The following WDR75 variants were observed in gnomAD, a reference collection of about 807,000 sequenced individuals.
The protein encoded by WDR75 is WD repeat-containing protein 75.
In WDR75, 52 loss-of-function variants were observed where a neutral mutation model predicts 106.1. That is an observed-to-expected ratio of 0.49 (90% CI 0.39 to 0.62). The LOEUF is 0.62. Among genes scored for constraint, WDR75 ranks in the 20% least tolerant of loss-of-function variants. The probability of loss-of-function intolerance (pLI) is 0.00; values close to 1 mark genes in which losing one functional copy is unlikely to be tolerated. For missense variants in WDR75, 905 were observed against 970.3 expected (o/e 0.93, Z 0.89); for synonymous variants, 333 against 335.5 (o/e 0.99, Z 0.08).
At chr2:189,443,764 G>A (rs192559861) in intron 1 of WDR75, among the ~76,000 whole-genome samples, 334 of 152,224 alleles carry the variant, frequency 2.2e-3, no homozygotes, top group Admixed American at 4.5e-3. Flanking sequence ...CTTGAAAACT[G>A]GGGGGATTGA....
intron 1 of WDR75, 35 bp downstream of exon 1, chr2:189,441,613 C>T (rs971426015): frequency 6.5e-7 from 1 of 1,545,012 alleles, no homozygotes; most frequent in Admixed American, 2.0e-5. Flanking sequence ...GGCTGAGGGG[C>T]GGGGCGTGAG....
intron 5 of WDR75, among the ~76,000 whole-genome samples, chr2:189,456,596 G>A (rs905662686): frequency 5.9e-5 from 9 of 152,098 alleles, no homozygotes; most frequent in Admixed American, 2.0e-4. Flanking sequence ...TATGGTGATC[G>A]AAACAGATAG....
At chr2:189,474,945 GATT>G (rs1402202685) in intron 20 of WDR75, 137 bp downstream of exon 20, 11 of 801,198 alleles carry the variant, frequency 1.4e-5, no homozygotes, top group Middle Eastern at 3.7e-4. Context: ...AAGGCTATAG[GATT>G]ATTAAGTCAA....
rs1306817683 is a variant in WDR75, at chr2:189,462,549, A to C, written c.844A>C (p.Asn282His). The C allele has an allele frequency of 1.2e-6, 2 of 1,613,976 alleles. No homozygotes were observed. Among genetic ancestry groups the C allele is most frequent in the Non-Finnish European group, 1.7e-6 (2 of 1,179,990 alleles). ...AGAGTGGCGCGATGCAACAGAGAAG[A>C]ATAAGGAGTTTCTCCCGCGTTTAGG... ...LVEWRDATEK[N>H]KEFLPRLGAT... Residue 282 changes from asparagine (N) to histidine (H), a missense_variant, in exon 9 of 21, where the codon AAT becomes CAT. Coordinates refer to ENST00000314761, the MANE Select transcript of WDR75 (RefSeq NM_032168.3).
intron 8 of WDR75, among the ~76,000 whole-genome samples, chr2:189,460,492 T>C (rs1032204692): frequency 1.3e-5 from 2 of 151,806 alleles, no homozygotes; most frequent in Non-Finnish European, 2.9e-5. Flanking sequence ...TATGTGTCTG[T>C]ATATGTTCCA....
intron 17 of WDR75, among the ~76,000 whole-genome samples, 179 bp downstream of exon 17, chr2:189,470,424 T>C (rs925851594): frequency 6.6e-6 from 1 of 152,202 alleles, no homozygotes; most frequent in Non-Finnish European, 1.5e-5. Flanking sequence ...ATTACCGTTT[T>C]ACCCCACACT....
At chr2:189,458,701 A>G in intron 6 of WDR75, 52 bp from the exon 7 acceptor site, 1 of 1,430,714 alleles carries the variant, frequency 7.0e-7, no homozygotes, top group Non-Finnish European at 9.3e-7. Context: ...CTACATCACC[A>G]CTTATCAAGA....
At chr2:189,474,041 T>A in intron 18 of WDR75, 145 bp from the exon 19 acceptor site, 1 of 819,534 alleles carries the variant, frequency 1.2e-6, no homozygotes, top group South Asian at 2.4e-5. Context: ...GCTTTCTCTG[T>A]GAAATGAGAG....
rs530348527 is a variant in WDR75, at chr2:189,466,484, T to C, written c.1349T>C (p.Phe450Ser). Residue 450 changes from phenylalanine (F) to serine (S), a missense_variant, in exon 13 of 21, where the codon TTC (phenylalanine) becomes TCC (serine). Coordinates refer to ENST00000314761, the MANE Select transcript of WDR75 (RefSeq NM_032168.3). Reference protein sequence around the residue: ...PHEDCITALCFCNAEKSEQPT... With the variant: ...PHEDCITALCSCNAEKSEQPT... ...GAAGACTGCATTACAGCTCTCTGTT[T>C]CTGTAATGCAGAAAAATCTGAACAG... 17 of 1,613,374 alleles carry C rather than the reference T, an allele frequency of 1.1e-5. No homozygotes were observed. Among genetic ancestry groups the C allele is most frequent in the Non-Finnish European group, 1.4e-5 (17 of 1,179,468 alleles).
At position 189,465,067 on chromosome 2, in the gene WDR75, T is replaced by C. The variant is rs781361160; in HGVS notation, c.1114-12T>C. The stretch of plus-strand genomic sequence containing the variant: ...TAAACATTTTGGTTTTTTGGTTTTT[T>C]TTACTCATCAGTTAGATATTATACA... On this transcript the variant is annotated splice_polypyrimidine_tract_variant and intron_variant, in intron 11 of 20. Coordinates refer to ENST00000314761, the MANE Select transcript of WDR75 (RefSeq NM_032168.3). 6.5e-7 allele frequency: 1 copy of C among 1,542,604 alleles called. No individual in the cohort carries two copies. The highest frequency in any genetic ancestry group is 1.4e-5 in the African/African-American group (1 of 71,982).
Position 189,441,566 on chromosome 2 carries a change from C to T in WDR75, c.74C>T (p.Ser25Phe), listed in dbSNP as rs1218515042. The stretch of plus-strand genomic sequence containing the variant: ...TTGAACTTTAGGAGAGCTGTGTTCT[C>T]TGCAGATTCTAAGTATGAGGGGCAC... Reference protein sequence around the residue: ...SELNFRRAVFSADSKYIFCVS... With the variant: ...SELNFRRAVFFADSKYIFCVS... The change falls in exon 1 of 21, where the codon TCT (serine) becomes TTT (phenylalanine). Residue 25 changes from serine (S) to phenylalanine (F), a missense_variant. Coordinates refer to ENST00000314761, the MANE Select transcript of WDR75 (RefSeq NM_032168.3). 6.4e-7 allele frequency: 1 copy of T among 1,559,110 alleles called. No homozygotes were observed. Among genetic ancestry groups the T allele is most frequent in the Admixed American group, 1.9e-5 (1 of 52,120 alleles).
chr2:189,441,702 C>A, intron 1 of WDR75, 124 bp downstream of exon 1: 1 of 1,119,490 alleles, frequency 8.9e-7, no homozygotes, highest in Non-Finnish European at 1.3e-6. Flanking sequence ...TTGGGTAGAG[C>A]ACGCGCCTGT....
chr2:189,451,032 G>T, intron 3 of WDR75, 64 bp downstream of exon 3: 2 of 1,541,372 alleles, frequency 1.3e-6, no homozygotes, highest in Middle Eastern at 1.7e-4. Context: ...TTTAATGGTA[G>T]ATGTACTGTT....
At position 189,448,488 on chromosome 2, in the gene WDR75, A is replaced by G. The variant is rs147826007; in HGVS notation, c.196A>G (p.Asn66Asp). 3 of 1,613,890 alleles carry G rather than the reference A, an allele frequency of 1.9e-6. No homozygotes were observed. The African/African-American group carries it at 4.0e-5, about 22-fold the overall frequency. Residue 66 changes from asparagine (N) to aspartate (D), a missense_variant, in exon 2 of 21, where the codon AAC (asparagine) becomes GAC (aspartate). Physicochemically the swap from Asn to Asp is conservative, Grantham distance 23. Transcript: ENST00000314761. ...HRNLVTGIQL[N>D]PNNHLQLYSC... ...AAATCTGGTGACTGGAATCCAGCTT[A>G]ACCCCAACAACCATCTACAGGTGTC...
At chr2:189,455,189 C>G in intron 4 of WDR75, 131 bp from the exon 5 acceptor site, 1 of 1,081,870 alleles carries the variant, frequency 9.2e-7, no homozygotes, top group Non-Finnish European at 1.2e-6. Context: ...TGCAGTGAGC[C>G]GAGATCACGC....
At chr2:189,455,767 A>G (rs1282922214) in intron 5 of WDR75, 1 of 174,750 alleles carries the variant, frequency 5.7e-6, no homozygotes, top group Non-Finnish European at 1.2e-5. Flanking sequence ...AAACTACAGA[A>G]AAATATAATG....
chr2:189,449,034 A>T (rs185224040), intron 2 of WDR75, among the ~76,000 whole-genome samples: 6 of 152,292 alleles, frequency 3.9e-5, no homozygotes, highest in South Asian at 2.1e-4. Context: ...GAGTGGGTCA[A>T]CTAGTTAGTT....
At chr2:189,456,649 G>A (rs962877621) in intron 5 of WDR75, among the ~76,000 whole-genome samples, 3 of 152,062 alleles carry the variant, frequency 2.0e-5, no homozygotes, top group Admixed American at 2.0e-4. Flanking sequence ...GAGGGAGGAG[G>A]GGGCATTTCT....
intron 16 of WDR75, 74 bp downstream of exon 16, chr2:189,469,513 A>C (rs1234726690): frequency 7.6e-7 from 1 of 1,309,592 alleles, no homozygotes; most frequent in Admixed American, 1.8e-5. Context: ...ATTTGAGCCA[A>C]ACTTGCCTTC....
Sources: gnomAD v4.1 joint callset for allele counts (sites outside exome capture counted in the v4.1 genomes callset) on GRCh38, gnomAD v4.1.1 for gene constraint, MANE v1.5 for transcripts, NCBI Gene and HGNC (gene_info 2026-07-23, HGNC 2026-07-21) for gene names.